A2ML1: variants seen among roughly 807,000 people sequenced by gnomAD.
A2ML1 encodes alpha-2-macroglobulin-like protein 1.
Under a neutral mutation model 181.9 loss-of-function variants are expected in A2ML1, and 161 were observed. The ratio of observed to expected loss-of-function variants is 0.89; its 90% CI spans 0.78 to 1.01. The LOEUF is 1.01. Ranked by LOEUF, A2ML1 falls within the 50% of genes least tolerant of loss-of-function variation. The pLI is 0.00. For missense variants in A2ML1, 1,670 were observed against 1,768.1 expected (o/e 0.94, Z 1.00); for synonymous variants, 663 against 666.8 (o/e 0.99, Z 0.09).
At chr12:8,829,868 C>T (rs1201503143) in intron 4 of A2ML1, 89 bp downstream of exon 4, 42 of 1,539,524 alleles carry the variant, frequency 2.7e-5, no homozygotes, top group Admixed American at 5.2e-5. Context: ...TCAGCCTGGG[C>T]GTGGCAAGGC....
chr12:8,875,479 A>G, intron 35 of A2ML1: 1 of 154,100 alleles, frequency 6.5e-6, no homozygotes, highest in Non-Finnish European at 1.4e-5. Context: ...TCTGTTGCCC[A>G]GGCTGCAGTG....
At chr12:8,882,288 A>G (rs920092904) in intron 7 of A2ML1, among the ~76,000 whole-genome samples, 5 of 152,192 alleles carry the variant, frequency 3.3e-5, no homozygotes, top group African/African-American at 1.2e-4. Flanking sequence ...ATTTCTTCCC[A>G]TAACAATGGC....
chr12:8,847,597 G>C lies in A2ML1; in HGVS notation c.1732G>C (p.Glu578Gln). The C allele has an allele frequency of 6.2e-7, 1 of 1,613,544 alleles. No individual in the cohort carries two copies. The highest frequency in any genetic ancestry group is 8.5e-7 in the Non-Finnish European group (1 of 1,179,758). Reference sequence around the variant, plus strand: ...CCAGCAGCTTCCAGGAGCAGAAGTGGAGCTGCAGCTGCAGGCAGCTCCCGG... The same window carrying C: ...CCAGCAGCTTCCAGGAGCAGAAGTGCAGCTGCAGCTGCAGGCAGCTCCCGG... The part of the protein sequence containing the change: ...PSQQLPGAEV[E>Q]LQLQAAPGSL... The change falls in exon 15 of 36, where the codon GAG becomes CAG. Residue 578 changes from glutamate to glutamine, a missense_variant. Glu to Gln is a conservative substitution (Grantham distance 29, BLOSUM62 2). Coordinates refer to ENST00000299698, the MANE Select transcript of A2ML1 (RefSeq NM_144670.6).
At position 8,869,093 on chromosome 12, in the gene A2ML1, C is replaced by A. The variant is rs369002101; in HGVS notation, c.4153-42C>A. The A allele has an allele frequency of 2.6e-5, 42 of 1,598,464 alleles. No homozygotes were observed. In the African/African-American group the frequency reaches 5.0e-4, roughly 19 times the overall value. On this transcript the variant is annotated intron_variant, in intron 32 of 35. Transcript: ENST00000299698. ...CTTTGGAAGACTACCCCAGGGAAGG[C>A]TCTGGCTCTTAGTATCTTTTTTTTC...
rs765340915 is a variant in A2ML1, at chr12:8,869,133, A to G, written c.4153-2A>G. The G allele has an allele frequency of 6.2e-7, 1 of 1,613,794 alleles. No homozygotes were observed. Among genetic ancestry groups the G allele is most frequent in the Non-Finnish European group, 8.5e-7 (1 of 1,179,922 alleles). On this transcript the variant is annotated splice_acceptor_variant, in intron 32 of 35. Coordinates refer to ENST00000299698, the MANE Select transcript of A2ML1 (RefSeq NM_144670.6). LOFTEE classifies it high-confidence loss of function. ...TCTTTTTTTTCTCCCTCTCTTATTCAGCTTCTCCAGCAACCCCTGGTGAAG... is the reference window on the plus strand; with the variant it reads ...TCTTTTTTTTCTCCCTCTCTTATTCGGCTTCTCCAGCAACCCCTGGTGAAG...
chr12:8,845,719 G>A (rs1483550123), intron 13 of A2ML1, among the ~76,000 whole-genome samples: 1 of 151,818 alleles, frequency 6.6e-6, no homozygotes, highest in East Asian at 1.9e-4. Context: ...ACGTCGGGGC[G>A]GGCCCCTGTA....
chr12:8,846,898 G>A, intron 14 of A2ML1, among the ~76,000 whole-genome samples: 1 of 151,662 alleles, frequency 6.6e-6, no homozygotes, highest in East Asian at 1.9e-4. Context: ...TATCGCTTGA[G>A]CCCAGGAGTT....
intron 29 of A2ML1, among the ~76,000 whole-genome samples, chr12:8,866,485 G>GAAAGC (rs1189640460): frequency 6.6e-6 from 1 of 151,808 alleles, no homozygotes; most frequent in Non-Finnish European, 1.5e-5. Context: ...AATATTTTTG[G>GAAAGC]AAAGCAGTGG....
Position 8,876,369 on chromosome 12 carries a change from G to C in A2ML1, c.*313G>C, listed in dbSNP as rs1411759043. ...GGAGACGGTGGTAGAGGGTGAACTA[G>C]AGAAGATAAGAATGTCTTCCTAGGC... On this transcript the variant is annotated 3_prime_UTR_variant, in exon 36 of 36. Coordinates refer to ENST00000299698, the MANE Select transcript of A2ML1 (RefSeq NM_144670.6). The C allele has an allele frequency of 6.6e-6, 1 of 152,178 alleles. No homozygotes were observed. The highest frequency in any genetic ancestry group is 2.4e-5 in the African/African-American group (1 of 41,434). 9.4% of individuals were successfully genotyped at this position (152,178 alleles called of 1,614,324 possible). A position where few individuals can be genotyped will look rare whatever the true frequency, so the allele number is the denominator to read the frequency against.
intron 4 of A2ML1, 122 bp from the exon 5 acceptor site, chr12:8,834,540 G>A (rs1052838460): frequency 2.5e-6 from 3 of 1,213,420 alleles, no homozygotes; most frequent in East Asian, 4.7e-5. Context: ...ATTTAGAAAG[G>A]AAGAAATGAA....
chr12:8,849,614 C>A, intron 16 of A2ML1, 55 bp from the exon 17 acceptor site: 1 of 1,369,320 alleles, frequency 7.3e-7, no homozygotes. Flanking sequence ...TGGGCAGTAG[C>A]CCTTGTAGTT....
intron 3 of A2ML1, among the ~76,000 whole-genome samples, chr12:8,826,756 T>G (rs1942942893): frequency 1.3e-5 from 2 of 152,090 alleles, no homozygotes; most frequent in Non-Finnish European, 2.9e-5. Context: ...GTAGCTGGGT[T>G]TACAGGTGAG....
At chr12:8,834,114 A>C (rs1373437720) in intron 4 of A2ML1, among the ~76,000 whole-genome samples, 1 of 152,018 alleles carries the variant, frequency 6.6e-6, no homozygotes, top group Non-Finnish European at 1.5e-5. Context: ...TTCCTCACAA[A>C]CTTAATGGTT....
chr12:8,841,293 C>A, intron 10 of A2ML1, 76 bp from the exon 11 acceptor site: 7 of 1,359,870 alleles, frequency 5.1e-6, no homozygotes, highest in Non-Finnish European at 6.0e-6. Flanking sequence ...TTTGCACCAA[C>A]CTAATATTTC....
intron 18 of A2ML1, 69 bp downstream of exon 18, chr12:8,850,343 GGGAGGCTTAGGAGGGA>G: frequency 8.1e-7 from 1 of 1,235,292 alleles, no homozygotes; most frequent in Non-Finnish European, 1.1e-6. Flanking sequence ...CCAACACTTT[GGGAGGCTTAGGAGGGA>G]GGATCACTTG....
intron 12 of A2ML1, among the ~76,000 whole-genome samples, chr12:8,844,343 C>A (rs766689434): frequency 6.6e-6 from 1 of 151,106 alleles, no homozygotes; most frequent in Non-Finnish European, 1.5e-5. Context: ...CTCAGGTGAT[C>A]TGCCCACCTT....
At chr12:8,854,859 G>A (rs762751804) in intron 22 of A2ML1, 28 bp downstream of exon 22, 1 of 1,611,692 alleles carries the variant, frequency 6.2e-7, no homozygotes, top group Non-Finnish European at 8.5e-7. Flanking sequence ...AGGATTGGTG[G>A]TGAGAATTCC....
chr12:8,861,246 G>T lies in A2ML1; in HGVS notation c.3451G>T (p.Asp1151Tyr). The change falls in exon 28 of 36, where the codon GAC becomes TAC. Residue 1151 changes from aspartate to tyrosine, a missense_variant. By Grantham distance (160) the Asp-to-Tyr change is radical. Coordinates refer to ENST00000299698, the MANE Select transcript of A2ML1 (RefSeq NM_144670.6). ...AYIFSLAGEM[D>Y]IRNILLKQLD... ...CATTTTCTCCCTGGCTGGGGAAATG[G>T]ACATCAGAAACATTCTCCTTAAACA... 2 of 1,614,096 alleles carry T rather than the reference G, an allele frequency of 1.2e-6. No homozygotes were observed. The highest frequency in any genetic ancestry group is 8.5e-7 in the Non-Finnish European group (1 of 1,180,036).
intron 15 of A2ML1, 77 bp from the exon 16 acceptor site, chr12:8,848,643 G>A (rs1440246367): frequency 1.6e-6 from 2 of 1,219,042 alleles, no homozygotes; most frequent in South Asian, 1.7e-5. Flanking sequence ...AGTGAACTGA[G>A]CACCAGAATC....
Sources: gnomAD v4.1 joint callset for allele counts (sites outside exome capture counted in the v4.1 genomes callset) on GRCh38, gnomAD v4.1.1 for gene constraint, MANE v1.5 for transcripts, NCBI Gene and HGNC (gene_info 2026-07-23, HGNC 2026-07-21) for gene names.